Variants in MICU2 observed in about 807,000 individuals in gnomAD.
The protein encoded by MICU2 is mitochondrial calcium uptake 2, also known as calcium uptake protein 2, mitochondrial.
MICU2 carries 64 observed loss-of-function variants against 60.4 expected under a neutral mutation model. The ratio of observed to expected loss-of-function variants is 1.06; its 90% CI spans 0.87 to 1.31. The LOEUF (loss-of-function observed/expected upper bound fraction) is 1.31, where lower values mean the gene tolerates loss of function less well. Among genes scored for constraint, MICU2 ranks in the 50% most tolerant of loss-of-function variants. MICU2 has a pLI of 0.00. For synonymous variants in MICU2, 201 were observed against 175.0 expected (o/e 1.15, Z -1.17); for missense variants, 569 against 531.0 (o/e 1.07, Z -0.70).
intron 2 of MICU2, chr13:21,551,493 T>C (rs950846089): frequency 5.9e-5 from 9 of 152,072 alleles, no homozygotes; most frequent in African/African-American, 9.7e-5. Context: ...ATGTGCAGGT[T>C]AGTTACATAT....
chr13:21,544,921 G>T (rs1442639372), intron 2 of MICU2, among the ~76,000 whole-genome samples: 1 of 152,132 alleles, frequency 6.6e-6, no homozygotes, highest in East Asian at 1.9e-4. Context: ...CAAAGTGCTA[G>T]GATTACACTT....
intron 2 of MICU2, chr13:21,551,323 C>A (rs1318271470): frequency 6.6e-6 from 1 of 152,390 alleles, no homozygotes; most frequent in Non-Finnish European, 1.5e-5. Flanking sequence ...GAATGCTTCA[C>A]GAATTTACGT....
At chr13:21,583,420 C>G (rs1296842744) in intron 1 of MICU2, among the ~76,000 whole-genome samples, 1 of 152,182 alleles carries the variant, frequency 6.6e-6, no homozygotes, top group Admixed American at 6.5e-5. Context: ...TGGTTGAACC[C>G]CAATGCTTCC....
At chr13:21,577,384 G>A (rs1452847947) in intron 1 of MICU2, among the ~76,000 whole-genome samples, 2 of 151,824 alleles carry the variant, frequency 1.3e-5, no homozygotes, top group East Asian at 3.9e-4. Context: ...GCTGAGCTTG[G>A]TGGCTCATGT....
intron 6 of MICU2, among the ~76,000 whole-genome samples, chr13:21,515,130 G>A (rs1044489829): frequency 1.4e-5 from 2 of 147,488 alleles, no homozygotes; most frequent in African/African-American, 5.2e-5. Context: ...CACCCAGGCT[G>A]GAGTGCAGTG....
chr13:21,561,412 T>C (rs1013960482), intron 2 of MICU2, among the ~76,000 whole-genome samples: 2 of 152,178 alleles, frequency 1.3e-5, no homozygotes, highest in African/African-American at 4.8e-5. Flanking sequence ...CCAAGTATAA[T>C]AGTTTCTAAG....
intron 1 of MICU2, among the ~76,000 whole-genome samples, chr13:21,568,323 CTCTTT>C (rs1356636679): frequency 6.6e-6 from 1 of 152,010 alleles, no homozygotes; most frequent in Non-Finnish European, 1.5e-5. Context: ...AGTTTTACAC[CTCTTT>C]TGTGTTGTCA....
Position 21,604,095 on chromosome 13 carries a change from C to G in MICU2, c.54G>C (p.Leu18=). The change falls in exon 1 of 12, where the codon CTG becomes CTC. Residue 18 remains leucine (L), a synonymous_variant. Transcript: ENST00000382374. ...CARVAAWGGK[L]RRGLAVSRQA... ...GTCGGCTGACAGCGAGCCCCCGTCG[C>G]AGTTTTCCGCCCCAGGCCGCCACCC... 2.5e-6 allele frequency: 4 copies of G among 1,592,062 alleles called. No homozygotes were observed. The highest frequency in any genetic ancestry group is 1.1e-5 in the South Asian group (1 of 88,950).
At chr13:21,514,683 C>T (rs1148978) in intron 6 of MICU2, among the ~76,000 whole-genome samples, 26,870 of 150,332 alleles carry the variant, frequency 0.18, 3,108 homozygotes, top group African/African-American at 0.32. Context: ...CAGGCGCCCG[C>T]CACCACTCCC....
At chr13:21,570,699 C>T (rs1307148690) in intron 1 of MICU2, among the ~76,000 whole-genome samples, 3 of 152,140 alleles carry the variant, frequency 2.0e-5, no homozygotes, top group East Asian at 1.9e-4. Flanking sequence ...AACTGACATA[C>T]GACATAGAAT....
At chr13:21,603,754 G>A (rs925650031) in intron 1 of MICU2, 185 bp downstream of exon 1, 2 of 640,246 alleles carry the variant, frequency 3.1e-6, no homozygotes, top group African/African-American at 3.9e-5. Context: ...AAGGCCCTCG[G>A]GGACTCAGGC....
At position 21,590,289 on chromosome 13, in the gene MICU2, C is replaced by G. The variant is rs2138068198; in HGVS notation, c.210+13650G>C. Among the ~76,000 whole-genome samples the G allele has an allele frequency of 1.3e-5, 2 of 152,242 alleles. 1 individual carries two copies. The highest frequency in any genetic ancestry group is 4.1e-4 in the South Asian group (2 of 4,822). On this transcript the variant is annotated intron_variant, in intron 1 of 11. Coordinates refer to ENST00000382374, the MANE Select transcript of MICU2 (RefSeq NM_152726.3). Reference sequence around the variant, plus strand: ...CCAGAAGAGACTGAGGGCCAATATTCAACATTCTTAAAGAAAATAATTTTC... The same window carrying G: ...CCAGAAGAGACTGAGGGCCAATATTGAACATTCTTAAAGAAAATAATTTTC...
chr13:21,579,966 A>T (rs757917315), intron 1 of MICU2, among the ~76,000 whole-genome samples: 22 of 152,194 alleles, frequency 1.4e-4, no homozygotes, highest in Admixed American at 6.5e-4. Context: ...TTTGCTTTAC[A>T]GTAGCACCAA....
At chr13:21,511,874 C>T (rs530421891) in intron 7 of MICU2, among the ~76,000 whole-genome samples, 27 of 151,928 alleles carry the variant, frequency 1.8e-4, no homozygotes, top group African/African-American at 6.0e-4. Flanking sequence ...TATCTTTTGC[C>T]ATATCAATTG....
intron 6 of MICU2, among the ~76,000 whole-genome samples, chr13:21,518,954 C>T (rs1391464600): frequency 6.6e-6 from 1 of 152,186 alleles, no homozygotes; most frequent in African/African-American, 2.4e-5. Context: ...TCGGTCCCCA[C>T]GACTCTTTTG....
chr13:21,569,927 C>G (rs1055615937), intron 1 of MICU2, among the ~76,000 whole-genome samples: 4 of 151,812 alleles, frequency 2.6e-5, no homozygotes, highest in African/African-American at 9.7e-5. Context: ...CAACCACGAT[C>G]CTATACTAGC....
At position 21,522,667 on chromosome 13, in the gene MICU2, C is replaced by A. The variant is rs749072970; in HGVS notation, c.467-17G>T. ...AAATTAGCCCTGAAAGAGATAAAAA[C>A]ATACCAGAAAATAAGCTTTAGATGG... On this transcript the variant is annotated splice_polypyrimidine_tract_variant and intron_variant, in intron 4 of 11. Coordinates refer to ENST00000382374, the MANE Select transcript of MICU2 (RefSeq NM_152726.3). The A allele has an allele frequency of 3.4e-5, 53 of 1,577,708 alleles. No individual in the cohort carries two copies. The highest frequency in any genetic ancestry group is 4.5e-5 in the Non-Finnish European group (52 of 1,157,952).
chr13:21,509,176 G>A (rs1038423286), intron 8 of MICU2, among the ~76,000 whole-genome samples: 17 of 152,296 alleles, frequency 1.1e-4, no homozygotes, highest in African/African-American at 3.8e-4. Context: ...GAGGTGCACT[G>A]TCTCACTATG....
chr13:21,534,650 G>A (rs1593331173), intron 4 of MICU2, among the ~76,000 whole-genome samples: 1 of 152,166 alleles, frequency 6.6e-6, no homozygotes, highest in Admixed American at 6.5e-5. Flanking sequence ...GGGATTCACT[G>A]AAATAGATCA....
Sources: allele counts gnomAD v4.1 joint callset (sites outside exome capture counted in the v4.1 genomes callset), GRCh38; gene constraint gnomAD v4.1.1; transcripts MANE v1.5; gene names NCBI Gene and HGNC (gene_info 2026-07-23, HGNC 2026-07-21).